The following STRN variants were observed in gnomAD, a reference collection of about 807,000 sequenced individuals.
STRN encodes striatin, also known as protein phosphatase 2 regulatory subunit B'''alpha.
A neutral mutation model predicts 96.3 loss-of-function variants in STRN; 53 were observed. The observed-to-expected ratio is 0.55, with a 90% CI of 0.44 to 0.69. The LOEUF (loss-of-function observed/expected upper bound fraction) is 0.69. STRN is among the 30% of genes least tolerant of loss of function. STRN has a pLI of 0.00. For missense variants in STRN, 987 were observed against 963.9 expected (o/e 1.02, Z -0.32); for synonymous variants, 428 against 355.9 (o/e 1.20, Z -2.28).
At chr2:36,903,316 A>G (rs1486590851) in intron 4 of STRN, among the ~76,000 whole-genome samples, 1 of 152,222 alleles carries the variant, frequency 6.6e-6, no homozygotes, top group African/African-American at 2.4e-5. Flanking sequence ...TGTTACTGAA[A>G]GGCAGCAACA....
At chr2:36,893,845 T>G in intron 7 of STRN, 53 bp downstream of exon 7, 1 of 1,541,522 alleles carries the variant, frequency 6.5e-7, no homozygotes, top group Non-Finnish European at 8.7e-7. Flanking sequence ...GGTAAAATAT[T>G]AATTTCTTTT....
At chr2:36,948,607 G>A (rs1252997964) in intron 1 of STRN, among the ~76,000 whole-genome samples, 1 of 152,200 alleles carries the variant, frequency 6.6e-6, no homozygotes, top group Non-Finnish European at 1.5e-5. Context: ...ATGAGAGATT[G>A]TCTGTGCTGT....
chr2:36,921,487 A>G (rs1225838573), intron 2 of STRN, among the ~76,000 whole-genome samples: 2 of 152,204 alleles, frequency 1.3e-5, no homozygotes, highest in Non-Finnish European at 1.5e-5. Context: ...TCCCAAGCAT[A>G]TATTTCTCAT....
intron 5 of STRN, among the ~76,000 whole-genome samples, chr2:36,900,707 A>C (rs1029063996): frequency 1.3e-5 from 2 of 152,142 alleles, no homozygotes; most frequent in African/African-American, 4.8e-5. Flanking sequence ...TGGCCAGCCA[A>C]CATGGTGAAA....
At chr2:36,901,415 G>A (rs186626102) in intron 5 of STRN, among the ~76,000 whole-genome samples, 42 of 151,830 alleles carry the variant, frequency 2.8e-4, no homozygotes, top group Non-Finnish European at 4.6e-4. Flanking sequence ...AGCTGGGTGC[G>A]GTGGCACGCG....
chr2:36,855,452 A>C, intron 14 of STRN, 100 bp from the exon 15 acceptor site: 1 of 1,222,794 alleles, frequency 8.2e-7, no homozygotes, highest in East Asian at 2.4e-5. Context: ...TTCCTTAAGA[A>C]GTAAACAAGG....
intron 10 of STRN, among the ~76,000 whole-genome samples, chr2:36,874,717 TAAAAAA>T (rs35268065): frequency 2.3e-5 from 2 of 86,276 alleles, no homozygotes; most frequent in Non-Finnish European, 2.3e-5. Context: ...TGTTTAGAGT[TAAAAAA>T]AAAAAAAAAA....
In STRN at chr2:36,840,066, G is replaced by A. The variant is rs778121029; in HGVS notation, c.*9390C>T. 2.6e-5 allele frequency: 4 copies of A among 152,184 alleles called. No homozygotes were observed. The highest frequency in any genetic ancestry group is 2.6e-4 in the Admixed American group (4 of 15,274). The allele number at this position is 152,184 out of a possible 1,614,324, so 9.4% of individuals were successfully genotyped here. ...TTGTCCCAGAATTTTCCTCTCCAAA[G>A]AAAGCTCCCCAGAGGGATGCCTTTC... On this transcript the variant is annotated 3_prime_UTR_variant, in exon 18 of 18. Transcript: ENST00000263918.
chr2:36,949,093 G>T (rs768301506), intron 1 of STRN, among the ~76,000 whole-genome samples: 3 of 152,148 alleles, frequency 2.0e-5, no homozygotes. Context: ...TACGTTTATG[G>T]CTTGGATATG....
chr2:36,931,580 T>G (rs1216021173), intron 1 of STRN, among the ~76,000 whole-genome samples: 1 of 152,232 alleles, frequency 6.6e-6, no homozygotes, highest in African/African-American at 2.4e-5. Context: ...TGGCAGTTAT[T>G]GGTACTGGGA....
At chr2:36,910,092 G>A (rs1232895327) in intron 3 of STRN, among the ~76,000 whole-genome samples, 1 of 150,004 alleles carries the variant, frequency 6.7e-6, no homozygotes, top group African/African-American at 2.5e-5. Flanking sequence ...AGAATCGCTT[G>A]AACCTGGGAG....
At chr2:36,872,649 GT>G (rs1317005128) in intron 10 of STRN, among the ~76,000 whole-genome samples, 1 of 152,138 alleles carries the variant, frequency 6.6e-6, no homozygotes, top group Non-Finnish European at 1.5e-5. Context: ...CTAACACCAA[GT>G]TTTCTAACAA....
At chr2:36,964,727 C>CA (rs1169191893) in intron 1 of STRN, among the ~76,000 whole-genome samples, 1 of 152,208 alleles carries the variant, frequency 6.6e-6, no homozygotes, top group African/African-American at 2.4e-5. Flanking sequence ...GCCCCTATCA[C>CA]ACGCTATTCC....
At position 36,916,213 on chromosome 2, in the gene STRN, A is replaced by G. The variant is rs1282195073; in HGVS notation, c.339-62T>C. 5.1e-6 allele frequency: 7 copies of G among 1,380,716 alleles called. No homozygotes were observed. The South Asian group carries it at 7.2e-5, about 14-fold the overall frequency. 85.5% of individuals were successfully genotyped at this position (1,380,716 alleles called of 1,614,324 possible). On this transcript the variant is annotated intron_variant, in intron 2 of 17. Coordinates refer to ENST00000263918, the MANE Select transcript of STRN (RefSeq NM_003162.4). ...ATATGTTTAAATTAACATACACAAT[A>G]GTAGTAGTCACAAGAATTCAGTAGT...
intron 1 of STRN, among the ~76,000 whole-genome samples, chr2:36,960,644 G>T (rs1050001446): frequency 1.3e-5 from 2 of 152,002 alleles, no homozygotes; most frequent in African/African-American, 4.8e-5. Context: ...GAAAACTAAG[G>T]CTCTGAGAGA....
chr2:36,919,915 T>C (rs961316991), intron 2 of STRN, among the ~76,000 whole-genome samples: 21 of 152,228 alleles, frequency 1.4e-4, no homozygotes, highest in African/African-American at 5.1e-4. Context: ...TTATCACACA[T>C]TAAGGAATGC....
chr2:36,902,786 TG>T, intron 4 of STRN, 35 bp from the exon 5 acceptor site: 1 of 1,523,988 alleles, frequency 6.6e-7, no homozygotes, highest in Non-Finnish European at 8.9e-7. Flanking sequence ...TCAGTCATAC[TG>T]GAATCAGTAT....
intron 12 of STRN, among the ~76,000 whole-genome samples, chr2:36,862,928 G>A (rs1048935039): frequency 2.6e-5 from 4 of 152,108 alleles, no homozygotes; most frequent in African/African-American, 4.8e-5. Flanking sequence ...GTAGAGACGC[G>A]GTTTCACCGT....
chr2:36,868,352 C>T (rs1301514945), intron 11 of STRN, among the ~76,000 whole-genome samples: 1 of 152,164 alleles, frequency 6.6e-6, no homozygotes, highest in Non-Finnish European at 1.5e-5. Flanking sequence ...AGGATATCAG[C>T]AAATGGTACT....
Sources: allele counts gnomAD v4.1 joint callset (sites outside exome capture counted in the v4.1 genomes callset), GRCh38; gene constraint gnomAD v4.1.1; transcripts MANE v1.5; gene names NCBI Gene and HGNC (gene_info 2026-07-23, HGNC 2026-07-21).